The following IFT122 variants were observed in gnomAD, a reference collection of about 807,000 sequenced individuals.
IFT122 encodes the protein intraflagellar transport 122, also known as intraflagellar transport protein 122 homolog.
Under a neutral mutation model 161.6 loss-of-function variants are expected in IFT122, and 118 were observed. The ratio of observed to expected loss-of-function variants is 0.73; its 90% CI spans 0.63 to 0.85. IFT122 has a LOEUF of 0.85. Ranked by LOEUF, IFT122 falls within the 40% of genes least tolerant of loss-of-function variation. The pLI, the probability that IFT122 is intolerant of heterozygous loss-of-function variation, is 0.00. For missense variants in IFT122, 1,381 were observed against 1,579.6 expected, an observed-to-expected ratio of 0.87 and a Z score of 2.13; for synonymous variants, 550 against 602.4, an observed-to-expected ratio of 0.91 and a Z score of 1.27.
intron 2 of IFT122, 59 bp downstream of exon 2, chr3:129,449,996 C>A: frequency 9.9e-6 from 10 of 1,006,388 alleles, no homozygotes; most frequent in Non-Finnish European, 1.6e-5. Flanking sequence ...CTTGTGAGTA[C>A]TCTGAAATTT....
intron 17 of IFT122, among the ~76,000 whole-genome samples, chr3:129,494,353 A>G (rs1222705059): frequency 6.6e-6 from 1 of 152,080 alleles, no homozygotes; most frequent in Admixed American, 6.5e-5. Flanking sequence ...GCCAAAATCA[A>G]TCTTTTATCT....
In IFT122 at chr3:129,464,755, A is replaced by G. The variant is rs2108118640; in HGVS notation, c.537A>G (p.Ile179Met). 3 of 1,614,124 alleles carry G rather than the reference A, an allele frequency of 1.9e-6. No homozygotes were observed. The highest frequency in any genetic ancestry group is 2.5e-6 in the Non-Finnish European group (3 of 1,180,030). The change falls in exon 7 of 30, where the codon ATA (isoleucine) becomes ATG (methionine). Residue 179 changes from isoleucine to methionine, a missense_variant. Around this residue, in one of 7 missense-constraint regions of IFT122, gnomAD observed 544 missense variants for 648.0 expected, o/e 0.84. Coordinates refer to ENST00000348417, the MANE Select transcript of IFT122 (RefSeq NM_052989.3). Reference protein sequence around the residue: ...IERPGGSLSPIWSICWNPSSR... With the variant: ...IERPGGSLSPMWSICWNPSSR... ...GGCCGGGGGGCTCCCTCTCGCCAAT[A>G]TGGTCCATCTGCTGGAACCCTTCAA... is the stretch of plus-strand genomic sequence containing the variant.
chr3:129,490,098 A>G (rs1259514024), intron 16 of IFT122, among the ~76,000 whole-genome samples: 4 of 152,176 alleles, frequency 2.6e-5, no homozygotes, highest in Non-Finnish European at 4.4e-5. Flanking sequence ...CCTGGGCTCA[A>G]GCAGTCTTCT....
intron 5 of IFT122, among the ~76,000 whole-genome samples, chr3:129,462,747 C>T (rs1266044462): frequency 6.6e-6 from 1 of 152,154 alleles, no homozygotes; most frequent in African/African-American, 2.4e-5. Flanking sequence ...CGCAACTTGG[C>T]AAATAGAAGA....
intron 14 of IFT122, 131 bp downstream of exon 14, chr3:129,481,825 T>A: frequency 1.1e-6 from 1 of 936,922 alleles, no homozygotes; most frequent in South Asian, 1.4e-5. Flanking sequence ...GCCAAGCACA[T>A]GCACAGAGTC....
In IFT122 at chr3:129,483,498, A is replaced by G. The variant is rs2078915776; in HGVS notation, c.1667A>G (p.Asn556Ser). Reference protein sequence around the residue: ...KELLFQEPNANSVAWNTQCED... With the variant: ...KELLFQEPNASSVAWNTQCED... ...CCTGTTCCCCAGGAACCAAACGCCA[A>G]CAGTGTAGCTTGGAACACCCAGTGT... Residue 556 changes from asparagine (N) to serine (S), a missense_variant, in exon 15 of 30, where the codon AAC becomes AGC. By Grantham distance (46) the Asn-to-Ser change is conservative. Coordinates refer to ENST00000348417, the MANE Select transcript of IFT122 (RefSeq NM_052989.3). 1.9e-6 allele frequency: 3 copies of G among 1,613,850 alleles called. No homozygotes were observed. Among genetic ancestry groups the G allele is most frequent in the African/African-American group, 1.3e-5 (1 of 74,864 alleles).
chr3:129,491,090 G>C (rs757380365), intron 16 of IFT122, among the ~76,000 whole-genome samples: 4 of 152,190 alleles, frequency 2.6e-5, no homozygotes, highest in Non-Finnish European at 4.4e-5. Context: ...GCCGAGACAT[G>C]TTTCTCCCTG....
chr3:129,495,759 A>T (rs1184031653), intron 18 of IFT122, 152 bp downstream of exon 18: 9 of 952,266 alleles, frequency 9.5e-6, no homozygotes, highest in Non-Finnish European at 1.5e-5. Context: ...CAAAGGACCC[A>T]TCTACAGCCA....
At position 129,492,169 on chromosome 3, in the gene IFT122, AT is replaced by A; in HGVS notation, c.2024del (p.Leu675Ter). 1 of 1,613,260 alleles carries A rather than the reference AT, an allele frequency of 6.2e-7. No homozygotes were observed. Among genetic ancestry groups the A allele is most frequent in the Non-Finnish European group, 8.5e-7 (1 of 1,179,280 alleles). ...TTCATCAGAGTACAAGACCTCCGAT[AT>A]TTAGAGCTCATCAGCAGCATTGAGG... is the stretch of plus-strand genomic sequence containing the variant. ...KAFIRVQDLR[Y>X]LELISSIEER... On this transcript the variant is annotated frameshift_variant, in exon 17 of 30. Transcript: ENST00000348417. LOFTEE classifies it high-confidence loss of function.
intron 18 of IFT122, among the ~76,000 whole-genome samples, chr3:129,496,015 T>C (rs1349271098): frequency 6.6e-6 from 1 of 152,236 alleles, no homozygotes; most frequent in East Asian, 1.9e-4. Flanking sequence ...CAGGACGACA[T>C]GGTGCCTGCC....
chr3:129,496,576 G>T (rs1429110891), intron 18 of IFT122, among the ~76,000 whole-genome samples: 1 of 152,180 alleles, frequency 6.6e-6, no homozygotes, highest in Non-Finnish European at 1.5e-5. Flanking sequence ...TATTCCTGAA[G>T]ATGGCTGTGC....
At chr3:129,467,203 A>G in intron 8 of IFT122, 137 bp downstream of exon 8, 1 of 729,404 alleles carries the variant, frequency 1.4e-6, no homozygotes, top group Admixed American at 2.3e-5. Flanking sequence ...CGCCTTCAAA[A>G]AAAGGAGACA....
rs367834133 is a variant in IFT122, at chr3:129,454,513, T to TTTTGTGTG, written c.193+2516_193+2517insTTGTGTGT. ...GTGTGCTGTACCATGGTAGTCATATTTGTGTGTGTGTGTGTGTGTGTGTGT... is the reference window on the plus strand; with the variant it reads ...GTGTGCTGTACCATGGTAGTCATATTTTTGTGTGTGTGTGTGTGTGTGTGTGTGTGTGT... On this transcript the variant is annotated intron_variant, in intron 3 of 29. Coordinates refer to ENST00000348417, the MANE Select transcript of IFT122 (RefSeq NM_052989.3). Among the ~76,000 whole-genome samples, 302 of 131,278 alleles carry TTTTGTGTG rather than the reference T, an allele frequency of 2.3e-3. 7 individuals carry two copies. In the East Asian group the frequency reaches 0.041, roughly 18 times the overall value. 86.1% of individuals were successfully genotyped at this position (131,278 alleles called of 152,430 possible).
chr3:129,477,042 A>G (rs2108283212), intron 11 of IFT122, among the ~76,000 whole-genome samples: 1 of 151,500 alleles, frequency 6.6e-6, no homozygotes, highest in East Asian at 1.9e-4. Flanking sequence ...ACCAACTCAG[A>G]ATTTTGCACA....
rs752614515 is a variant in IFT122, at chr3:129,461,221, T to C, written c.273-7T>C. 1 of 1,608,862 alleles carries C rather than the reference T, an allele frequency of 6.2e-7. No individual in the cohort carries two copies. The highest frequency in any genetic ancestry group is 8.5e-7 in the Non-Finnish European group (1 of 1,175,102). ...TGCATAGTAATCTACAGTTGTTTAC[T>C]TCCCAGGCACAATGATGCTATACAA... On this transcript the variant is annotated splice_polypyrimidine_tract_variant and splice_region_variant and intron_variant, in intron 4 of 29. Transcript: ENST00000348417.
At chr3:129,460,397 T>C (rs1162074146) in intron 4 of IFT122, among the ~76,000 whole-genome samples, 1 of 152,212 alleles carries the variant, frequency 6.6e-6, no homozygotes, top group African/African-American at 2.4e-5. Flanking sequence ...CAGAATTTAC[T>C]TTCTGTGTTG....
intron 1 of IFT122, among the ~76,000 whole-genome samples, chr3:129,449,345 G>A (rs934544480): frequency 1.3e-5 from 2 of 152,160 alleles, no homozygotes; most frequent in East Asian, 1.9e-4. Context: ...CAACCTTAGA[G>A]GTGAGAAAAT....
chr3:129,465,322 C>T (rs2076623777), intron 7 of IFT122, among the ~76,000 whole-genome samples: 1 of 151,894 alleles, frequency 6.6e-6, no homozygotes, highest in Non-Finnish European at 1.5e-5. Context: ...CCTTTTTTTG[C>T]CCTTGTCAGA....
chr3:129,450,713 GTTTT>G (rs747032492), intron 2 of IFT122, among the ~76,000 whole-genome samples: 185 of 80,984 alleles, frequency 2.3e-3, no homozygotes, highest in African/African-American at 8.4e-3. Flanking sequence ...GTGTGTGTGT[GTTTT>G]TTTTTTTTTT....
Sources: gnomAD v4.1 joint callset for allele counts (sites outside exome capture counted in the v4.1 genomes callset) on GRCh38, gnomAD v4.1.1 for gene constraint, gnomAD v4.1.1 regional missense constraint, MANE v1.5 for transcripts, NCBI Gene and HGNC (gene_info 2026-07-23, HGNC 2026-07-21) for gene names.